Variants in SRRM2 observed in about 807,000 individuals in gnomAD.
SRRM2 encodes serine/arginine repetitive matrix protein 2.
A neutral mutation model predicts 213.8 loss-of-function variants in SRRM2; 30 were observed. That is an observed-to-expected ratio of 0.14 (90% CI 0.10 to 0.19). The LOEUF (loss-of-function observed/expected upper bound fraction) is 0.19. Among genes scored for constraint, SRRM2 ranks in the 10% least tolerant of loss-of-function variants. SRRM2 has a pLI of 1.00. For synonymous variants in SRRM2, 2,025 were observed against 1,377.7 expected, an observed-to-expected ratio of 1.47 and a Z score of -10.40; for missense variants, 4,904 against 3,647.0, an observed-to-expected ratio of 1.34 and a Z score of -8.88.
At chr16:2,758,655 C>A (rs1287176946) in intron 5 of SRRM2, 108 bp downstream of exon 5, 4 of 1,108,510 alleles carry the variant, frequency 3.6e-6, no homozygotes, top group Non-Finnish European at 5.4e-6. Context: ...AGATAGTTGT[C>A]AGGGAGGAGG....
At chr16:2,768,424 G>A (rs1045664162) in intron 11 of SRRM2, 163 bp downstream of exon 11, 15 of 737,324 alleles carry the variant, frequency 2.0e-5, no homozygotes, top group Middle Eastern at 3.0e-4. Context: ...GGCAGGGGGC[G>A]GAGGGAGGAG....
chr16:2,769,782 CGT>C (rs1476772894), intron 12 of SRRM2: 9 of 466,094 alleles, frequency 1.9e-5, no homozygotes, highest in Non-Finnish European at 3.4e-5. Flanking sequence ...GCGGGAGTGG[CGT>C]GTGAGGCTCT....
Position 2,770,442 on chromosome 16 carries a change from G to T in SRRM2, c.8112G>T (p.Gln2704His), listed in dbSNP as rs1250830970. The stretch of plus-strand genomic sequence containing the variant: ...TGGAGCGTCGCCGTCCCTCGCCCCA[G>T]CCCTCACCACGGGACCAGCAGAGGT... ...SPVERRRPSP[Q>H]PSPRDQQSSS... Residue 2704 changes from glutamine (Q) to histidine (H), a missense_variant, in exon 13 of 15, where the codon CAG (glutamine) becomes CAT (histidine). By Grantham distance (24) the Gln-to-His change is conservative. Transcript: ENST00000301740. 2.5e-6 allele frequency: 4 copies of T among 1,609,634 alleles called. No homozygotes were observed. The East Asian group carries it at 8.9e-5, about 36-fold the overall frequency.
In SRRM2 at chr16:2,771,103, AGATGGGAGTTG is replaced by A; in HGVS notation, c.*238_*248del. 1 of 503,316 alleles carries A rather than the reference AGATGGGAGTTG, an allele frequency of 2.0e-6. No homozygotes were observed. The highest frequency in any genetic ancestry group is 2.0e-5 in the African/African-American group (1 of 49,768). 31.2% of individuals were successfully genotyped at this position (503,316 alleles called of 1,614,324 possible). ...GGGGGTTTGGGGTGGGAGGGAATGCAGATGGGAGTTGGGGGAGGGGAGGATACAGTTCAGGA... is the reference window on the plus strand; with the variant it reads ...GGGGGTTTGGGGTGGGAGGGAATGCAGGGGAGGGGAGGATACAGTTCAGGA... On this transcript the variant is annotated 3_prime_UTR_variant, in exon 15 of 15. Transcript: ENST00000301740.
rs532649960 is a variant in SRRM2, at chr16:2,752,658, C to G, written c.-220C>G. ...TAGTCGTGCTGACGTGCAGCGCGGC[C>G]CAGGCGGGGTGCGAGTGGCGCAGTT... is the stretch of plus-strand genomic sequence containing the variant. On this transcript the variant is annotated 5_prime_UTR_variant, in exon 1 of 15. Transcript: ENST00000301740. 22 of 260,094 alleles carry G rather than the reference C, an allele frequency of 8.5e-5. No individual in the cohort carries two copies. The East Asian group carries it at 3.2e-3, about 38-fold the overall frequency. 16.1% of individuals were successfully genotyped at this position (260,094 alleles called of 1,614,324 possible).
Position 2,771,080 on chromosome 16 carries a change from G to T in SRRM2, c.*213G>T, listed in dbSNP as rs1465639031. ...TTCTTCCTGGTTCATGTGTTCTGGG[G>T]GGTTTGGGGTGGGAGGGAATGCAGA... On this transcript the variant is annotated 3_prime_UTR_variant, in exon 15 of 15. Coordinates refer to ENST00000301740, the MANE Select transcript of SRRM2 (RefSeq NM_016333.4). 2 of 553,262 alleles carry T rather than the reference G, an allele frequency of 3.6e-6. No individual in the cohort carries two copies. Among genetic ancestry groups the T allele is most frequent in the Non-Finnish European group, 6.4e-6 (2 of 313,592 alleles). The allele number at this position is 553,262 out of a possible 1,614,324, so 34.3% of individuals were successfully genotyped here.
chr16:2,763,667 G>A lies in SRRM2; in HGVS notation c.3139G>A (p.Glu1047Lys), dbSNP rs150618420. 435 of 1,614,180 alleles carry A rather than the reference G, an allele frequency of 2.7e-4. 1 individual carries two copies. The highest frequency in any genetic ancestry group is 3.3e-4 in the Non-Finnish European group (394 of 1,180,044). Residue 1047 changes from glutamate to lysine, a missense_variant, in exon 11 of 15, where the codon GAG becomes AAG. Coordinates refer to ENST00000301740, the MANE Select transcript of SRRM2 (RefSeq NM_016333.4). ...AGVKSSTPPG[E>K]SYFGVSSLQL... ...AGTAAAATCTAGCACACCACCAGGC[G>A]AGAGCTATTTTGGTGTCTCATCTCT...
rs377733173 is a variant in SRRM2, at chr16:2,763,760, C to A, written c.3232C>A (p.Gln1078Lys). 1 of 1,614,084 alleles carries A rather than the reference C, an allele frequency of 6.2e-7. No individual in the cohort carries two copies. The highest frequency in any genetic ancestry group is 8.5e-7 in the Non-Finnish European group (1 of 1,179,934). The change falls in exon 11 of 15, where the codon CAG (glutamine) becomes AAG (lysine). Residue 1078 changes from glutamine to lysine, a missense_variant. Gln to Lys is a moderately conservative substitution (Grantham distance 53). Transcript: ENST00000301740. ...TGATACTTCAAGTCCAGAAGTGAGACAGAGTCATTCAGAATCACCATCTCT... is the reference window on the plus strand; with the variant it reads ...TGATACTTCAAGTCCAGAAGTGAGAAAGAGTCATTCAGAATCACCATCTCT... ...RSDTSSPEVR[Q>K]SHSESPSLQS...
At position 2,766,897 on chromosome 16, in the gene SRRM2, C is replaced by T. The variant is rs1200797317; in HGVS notation, c.6369C>T (p.Ser2123=). 1.2e-6 allele frequency: 2 copies of T among 1,614,122 alleles called. No individual in the cohort carries two copies. The highest frequency in any genetic ancestry group is 1.7e-6 in the Non-Finnish European group (2 of 1,180,022). Residue 2123 remains serine (S), a synonymous_variant, in exon 11 of 15, where the codon TCC becomes TCT. Coordinates refer to ENST00000301740, the MANE Select transcript of SRRM2 (RefSeq NM_016333.4). This position sits in a 1 kb window ranked among gnomAD's most constrained non-coding sequence, Gnocchi z 7.0. ...RMSCFSRPSM[S]PTPLDRCRSP... The stretch of plus-strand genomic sequence containing the variant: ...GCTGCTTCAGTCGTCCTAGCATGTC[C>T]CCAACACCTCTTGATCGCTGCAGAT...
chr16:2,770,995 G>T lies in SRRM2; in HGVS notation c.*128G>T. 8.6e-7 allele frequency: 1 copy of T among 1,166,802 alleles called. No individual in the cohort carries two copies. Among genetic ancestry groups the T allele is most frequent in the Non-Finnish European group, 1.2e-6 (1 of 824,664 alleles). The allele number at this position is 1,166,802 out of a possible 1,614,324, so 72.3% of individuals were successfully genotyped here. A position where few individuals can be genotyped will look rare whatever the true frequency, so the allele number is the denominator to read the frequency against. ...GAACCTTGGCAGCCCTTGGATGGAG[G>T]GCTCCCTTTCCCTCCCCTTTTTTTT... is the stretch of plus-strand genomic sequence containing the variant. On this transcript the variant is annotated 3_prime_UTR_variant, in exon 15 of 15. Transcript: ENST00000301740.
rs746368684 is a variant in SRRM2 at position 2,768,181 on chromosome 16, GTCC to G, written c.7665_7667del (p.Ser2556del). 1.6e-4 allele frequency: 251 copies of G among 1,593,132 alleles called. 1 individual carries two copies. The highest frequency in any genetic ancestry group is 1.2e-3 in the South Asian group (103 of 89,290). On this transcript the variant is annotated inframe_deletion, in exon 11 of 15. Coordinates refer to ENST00000301740, the MANE Select transcript of SRRM2 (RefSeq NM_016333.4). The stretch of plus-strand genomic sequence containing the variant: ...CCTCTTCTTCATCATCGTCGTCGTC[GTCC>G]TCCTCCTCCTCTGGCTCCAGTTCTA...
Position 2,761,746 on chromosome 16 carries a change from T to C in SRRM2, c.1218T>C (p.Pro406=). The C allele has an allele frequency of 6.2e-7, 1 of 1,612,440 alleles. No homozygotes were observed. The highest frequency in any genetic ancestry group is 8.5e-7 in the Non-Finnish European group (1 of 1,179,134). ...EASPTRDRSP[P]KSPEKLPQSS... is the part of the protein sequence containing the mutation. ...CTCCAACTCGGGACCGTTCACCACC[T>C]AAGTCTCCCGAGAAACTTCCCCAGT... is the stretch of plus-strand genomic sequence containing the variant. Residue 406 remains proline, a synonymous_variant, in exon 11 of 15, where the codon CCT becomes CCC. Coordinates refer to ENST00000301740, the MANE Select transcript of SRRM2 (RefSeq NM_016333.4).
rs1294579484 is a variant in SRRM2, at chr16:2,770,673, G to A, written c.8205G>A (p.Arg2735=). Residue 2735 remains arginine, a synonymous_variant, in exon 14 of 15, where the codon AGG becomes AGA. Transcript: ENST00000301740. ...GCCGCTCCCCCAGCCACAAGCGCAG[G>A]AGGGAGACACCTAGCCCTCGGCCCA... ...GDSRSPSHKR[R]RETPSPRPMR... is the part of the protein sequence containing the mutation. 2 of 1,555,588 alleles carry A rather than the reference G, an allele frequency of 1.3e-6. No homozygotes were observed. Among genetic ancestry groups the A allele is most frequent in the East Asian group, 2.4e-5 (1 of 41,304 alleles).
intron 2 of SRRM2, among the ~76,000 whole-genome samples, chr16:2,757,154 C>T (rs1457886547): frequency 1.3e-5 from 2 of 152,078 alleles, no homozygotes; most frequent in African/African-American, 4.8e-5. Flanking sequence ...ATACAGTATC[C>T]CTTACTTTGG....
chr16:2,760,863 G>A, intron 10 of SRRM2: 1 of 203,526 alleles, frequency 4.9e-6, no homozygotes, highest in Non-Finnish European at 1.0e-5. Flanking sequence ...AATCCATTGC[G>A]TTGCCACCAA....
chr16:2,765,886 A>T lies in SRRM2; in HGVS notation c.5358A>T (p.Arg1786=), dbSNP rs773413323. ...GGAGAGAGAAAACAAGAACAACCCG[A>T]CGTCGAGATAGGTCTGGATCTTCTC... ...RSRREKTRTT[R]RRDRSGSSQS... Residue 1786 remains arginine (R), a synonymous_variant, in exon 11 of 15, where the codon CGA becomes CGT. Transcript: ENST00000301740. 3 of 1,614,050 alleles carry T rather than the reference A, an allele frequency of 1.9e-6. No homozygotes were observed. The highest frequency in any genetic ancestry group is 2.5e-6 in the Non-Finnish European group (3 of 1,180,026).
At chr16:2,769,402 G>C in intron 12 of SRRM2, 118 bp downstream of exon 12, 3 of 1,192,358 alleles carry the variant, frequency 2.5e-6, no homozygotes, top group East Asian at 2.3e-5. Context: ...ATCTGGTTGT[G>C]GGGGAGGAGG....
At position 2,752,653 on chromosome 16, in the gene SRRM2, G is replaced by A. The variant is rs2067961325; in HGVS notation, c.-225G>A. 2 of 247,340 alleles carry A rather than the reference G, an allele frequency of 8.1e-6. No individual in the cohort carries two copies. Among genetic ancestry groups the A allele is most frequent in the Admixed American group, 6.3e-5 (1 of 15,946 alleles). 15.3% of individuals were successfully genotyped at this position (247,340 alleles called of 1,614,324 possible). On this transcript the variant is annotated 5_prime_UTR_variant, in exon 1 of 15. Transcript: ENST00000301740. ...GCAGTTAGTCGTGCTGACGTGCAGCGCGGCCCAGGCGGGGTGCGAGTGGCG... is the reference window on the plus strand; with the variant it reads ...GCAGTTAGTCGTGCTGACGTGCAGCACGGCCCAGGCGGGGTGCGAGTGGCG...
In SRRM2 at chr16:2,765,531, C is replaced by T; in HGVS notation, c.5003C>T (p.Ala1668Val). The change falls in exon 11 of 15, where the codon GCT becomes GTT. Residue 1668 changes from alanine (A) to valine (V), a missense_variant. Ala to Val is a moderately conservative substitution (Grantham distance 64, BLOSUM62 0). Transcript: ENST00000301740. ...SPEHPPKSRT[A>V]RRGSRSSPEP... ...GAACATCCGCCCAAATCCAGAACTG[C>T]TCGCAGAGGTTCCAGGTCATCACCA... 6.2e-7 allele frequency: 1 copy of T among 1,614,214 alleles called. No homozygotes were observed. Among genetic ancestry groups the T allele is most frequent in the Non-Finnish European group, 8.5e-7 (1 of 1,180,026 alleles).
Sources: gnomAD v4.1 joint callset for allele counts (sites outside exome capture counted in the v4.1 genomes callset) on GRCh38, gnomAD v4.1.1 for gene constraint, Gnocchi (gnomAD v3.1) non-coding constraint, MANE v1.5 for transcripts, NCBI Gene and HGNC (gene_info 2026-07-23, HGNC 2026-07-21) for gene names.